Variants in CNTNAP2 observed in about 807,000 individuals in gnomAD.
CNTNAP2 encodes the protein contactin-associated protein-like 2.
CNTNAP2 carries 98 observed loss-of-function variants against 155.2 expected under a neutral mutation model. That is an observed-to-expected ratio of 0.63 (90% confidence interval 0.54 to 0.75). The LOEUF (loss-of-function observed/expected upper bound fraction) is 0.75. Ranked by LOEUF, CNTNAP2 falls within the 30% of genes least tolerant of loss-of-function variation. The probability of loss-of-function intolerance (pLI) is 0.00; values close to 1 mark genes in which losing one functional copy is unlikely to be tolerated. For synonymous variants in CNTNAP2, 651 were observed against 631.2 expected, an observed-to-expected ratio of 1.03 and a Z score of -0.47; for missense variants, 1,727 against 1,688.1, an observed-to-expected ratio of 1.02 and a Z score of -0.40.
intron 15 of CNTNAP2, among the ~76,000 whole-genome samples, chr7:148,095,294 C>T (rs1803940626): frequency 6.6e-6 from 1 of 152,186 alleles, no homozygotes; most frequent in African/African-American, 2.4e-5. Context: ...TACTCCTGCT[C>T]ATGGAAACCT....
At chr7:146,381,580 T>G (rs1795390069) in intron 1 of CNTNAP2, among the ~76,000 whole-genome samples, 1 of 152,164 alleles carries the variant, frequency 6.6e-6, no homozygotes, top group African/African-American at 2.4e-5. Context: ...CTTAAAATAT[T>G]ATAGGGGGTA....
At chr7:146,927,962 A>G (rs998795401) in intron 3 of CNTNAP2, among the ~76,000 whole-genome samples, 73 of 57,098 alleles carry the variant, frequency 1.3e-3, no homozygotes, top group Admixed American at 2.5e-3. Flanking sequence ...ATGTGTGTGT[A>G]TATATATATA....
chr7:147,566,984 T>G (rs966893348), intron 12 of CNTNAP2, among the ~76,000 whole-genome samples: 1 of 152,120 alleles, frequency 6.6e-6, no homozygotes, highest in African/African-American at 2.4e-5. Flanking sequence ...ACTTGGAGAA[T>G]GAAGAGCAAC....
At chr7:147,765,569 T>C (rs1189359404) in intron 13 of CNTNAP2, among the ~76,000 whole-genome samples, 3 of 152,128 alleles carry the variant, frequency 2.0e-5, no homozygotes, top group Non-Finnish European at 4.4e-5. Flanking sequence ...AAATTAAACA[T>C]ATCAACAGCA....
In CNTNAP2 at chr7:147,128,834, G is replaced by A. The variant is rs1396997189; in HGVS notation, c.1081G>A (p.Val361Met). The A allele has an allele frequency of 5.0e-6, 8 of 1,613,950 alleles. No homozygotes were observed. The highest frequency in any genetic ancestry group is 1.7e-5 in the Admixed American group (1 of 60,006). Residue 361 changes from valine (V) to methionine (M), a missense_variant and splice_region_variant, in exon 7 of 24, where the codon GTG becomes ATG. By Grantham distance (21) the Val-to-Met change is conservative (BLOSUM62 1). Transcript: ENST00000361727. Reference sequence around the variant, plus strand: ...AAGGAAGAAATTAGAGCCCTCAAATGTGGTAAGGATTTTCACCCGCAAAAT... The same window carrying A: ...AAGGAAGAAATTAGAGCCCTCAAATATGGTAAGGATTTTCACCCGCAAAAT... The part of the protein sequence containing the change: ...ARRKKLEPSN[V>M]GNLSFSCVEP...
chr7:148,215,398 G>C (rs566102468), intron 18 of CNTNAP2, among the ~76,000 whole-genome samples: 105 of 152,196 alleles, frequency 6.9e-4, no homozygotes, highest in Non-Finnish European at 1.2e-3. Flanking sequence ...CCGTTTTTTT[G>C]TGTAAGGTTG....
Position 148,034,409 on chromosome 7 carries a change from A to G in CNTNAP2, c.2383+56420A>G, listed in dbSNP as rs78330948. ...TTTGGGTCATAAGGGCACCACTCTC[A>G]TGAAGGGATTGATGCTGTTATCTTG... On this transcript the variant is annotated intron_variant, in intron 15 of 23. Transcript: ENST00000361727. 7.9e-5 allele frequency among the ~76,000 whole-genome samples: 12 copies of G among 152,288 alleles called. 1 individual carries two copies. In the East Asian group the frequency reaches 2.1e-3, roughly 27 times the overall value.
intron 3 of CNTNAP2, among the ~76,000 whole-genome samples, chr7:146,886,053 A>C (rs1005640389): frequency 1.3e-5 from 2 of 151,884 alleles, no homozygotes; most frequent in Non-Finnish European, 2.9e-5. Flanking sequence ...GATTCCTTGT[A>C]AAGTTAACCC....
chr7:146,170,490 A>G (rs1798374242), intron 1 of CNTNAP2, among the ~76,000 whole-genome samples: 1 of 148,838 alleles, frequency 6.7e-6, no homozygotes, highest in African/African-American at 2.5e-5. Context: ...TGTATTAAAA[A>G]TTAGATGTTG....
chr7:147,018,067 G>T (rs1584785844), intron 3 of CNTNAP2, among the ~76,000 whole-genome samples: 1 of 152,156 alleles, frequency 6.6e-6, no homozygotes, highest in East Asian at 1.9e-4. Flanking sequence ...AGAAAAATAT[G>T]CATTTCTCTA....
chr7:147,515,005 A>G (rs1799093789), intron 11 of CNTNAP2, among the ~76,000 whole-genome samples: 1 of 152,150 alleles, frequency 6.6e-6, no homozygotes, highest in South Asian at 2.1e-4. Context: ...AAGGCCCTGA[A>G]CTATACCTCG....
rs769424919 is a variant in CNTNAP2 at position 148,383,797 on chromosome 7, G to A, written c.3624G>A (p.Glu1208=). The change falls in exon 22 of 24, where the codon GAG becomes GAA. Residue 1208 remains glutamate (E), a synonymous_variant. Transcript: ENST00000361727. ...NASAHVHIQG[E]LVESNCGASP... The stretch of plus-strand genomic sequence containing the variant: ...CGGCTCACGTCCACATCCAGGGCGA[G>A]CTGGTGGAGTCCAACTGCGGGGCCT... 6 of 1,614,056 alleles carry A rather than the reference G, an allele frequency of 3.7e-6. No homozygotes were observed. Among genetic ancestry groups the A allele is most frequent in the African/African-American group, 1.3e-5 (1 of 74,918 alleles).
rs532110758 is a variant in CNTNAP2, at chr7:147,585,304, T to C, written c.1897+23047T>C. 5.3e-5 allele frequency among the ~76,000 whole-genome samples: 8 copies of C among 151,964 alleles called. No individual in the cohort carries two copies. The South Asian group carries it at 1.7e-3, about 32-fold the overall frequency. On this transcript the variant is annotated intron_variant, in intron 12 of 23. Transcript: ENST00000361727. ...CAGTATATCCTTATATACTGCACTA[T>C]TTAATATGCTGTTCTAATTTAAAAA...
intron 13 of CNTNAP2, among the ~76,000 whole-genome samples, chr7:147,748,008 C>T (rs59338704): frequency 0.011 from 1,667 of 152,316 alleles, 94 homozygotes; most frequent in Admixed American, 0.087. Context: ...AGTCAATCAC[C>T]CGCCTAGCAT....
intron 18 of CNTNAP2, among the ~76,000 whole-genome samples, chr7:148,192,535 A>C (rs1795215780): frequency 1.3e-5 from 2 of 152,032 alleles, no homozygotes; most frequent in African/African-American, 4.8e-5. Context: ...ATGACCAAAA[A>C]AAAAAACAAA....
At chr7:147,203,892 G>A (rs1421617131) in intron 8 of CNTNAP2, among the ~76,000 whole-genome samples, 2 of 152,066 alleles carry the variant, frequency 1.3e-5, no homozygotes, top group Non-Finnish European at 2.9e-5. Flanking sequence ...ATAGCAAAAT[G>A]TAAGAAATTA....
At chr7:146,727,616 A>C (rs924802457) in intron 1 of CNTNAP2, among the ~76,000 whole-genome samples, 1 of 152,150 alleles carries the variant, frequency 6.6e-6, no homozygotes, top group Non-Finnish European at 1.5e-5. Flanking sequence ...GGCAATTTTC[A>C]CTGTCAGGCT....
intron 13 of CNTNAP2, among the ~76,000 whole-genome samples, chr7:147,765,743 G>T (rs1797373041): frequency 6.6e-6 from 1 of 152,086 alleles, no homozygotes. Context: ...TTACCCAAAA[G>T]AAATGAAGAC....
At chr7:146,334,366 G>A (rs1308934498) in intron 1 of CNTNAP2, among the ~76,000 whole-genome samples, 1 of 151,294 alleles carries the variant, frequency 6.6e-6, no homozygotes, top group African/African-American at 2.4e-5. Flanking sequence ...GGCAGGTGGA[G>A]GTTGCAGTGA....
Sources: allele counts gnomAD v4.1 joint callset (sites outside exome capture counted in the v4.1 genomes callset), GRCh38; gene constraint gnomAD v4.1.1; transcripts MANE v1.5; gene names NCBI Gene and HGNC (gene_info 2026-07-23, HGNC 2026-07-21).